Variants in SPTBN4 observed in about 807,000 individuals in gnomAD.
SPTBN4 encodes the protein spectrin beta chain, non-erythrocytic 4.
In SPTBN4, 96 loss-of-function variants were observed where a neutral mutation model predicts 277.8. The observed-to-expected ratio is 0.35, with a 90% confidence interval of 0.29 to 0.41. SPTBN4 has a LOEUF of 0.41. SPTBN4 is among the 10% of genes least tolerant of loss of function. The pLI is 1.00. For synonymous variants in SPTBN4, 1,481 were observed against 1,580.3 expected, an observed-to-expected ratio of 0.94 and a Z score of 1.49; for missense variants, 3,006 against 3,595.7, an observed-to-expected ratio of 0.84 and a Z score of 4.19.
chr19:40,542,821 T>C (rs1326025173), intron 20 of SPTBN4, among the ~76,000 whole-genome samples: 1 of 151,852 alleles, frequency 6.6e-6, no homozygotes, highest in African/African-American at 2.4e-5. Context: ...TTTGTTTTTT[T>C]GTTTTTTGAG....
chr19:40,565,961 T>G (rs191204507), intron 29 of SPTBN4, among the ~76,000 whole-genome samples: 1 of 151,644 alleles, frequency 6.6e-6, no homozygotes, highest in African/African-American at 2.4e-5. Context: ...TGGGGGGACA[T>G]TAAGGAAGGA....
rs1599822256 is a variant in SPTBN4, at chr19:40,568,264, G to C, written c.6938G>C (p.Arg2313Thr). 6.2e-7 allele frequency: 1 copy of C among 1,605,682 alleles called. No individual in the cohort carries two copies. ...TCCAGCGAACAGGAGATGCCCATCA[G>C]AGGAGACCTGGTCAAGGGGTGAGGT... is the stretch of plus-strand genomic sequence containing the variant. ...QESSEQEMPI[R>T]GDLVKGKATL... The change falls in exon 31 of 36, where the codon AGA (arginine) becomes ACA (threonine). Residue 2313 changes from arginine (R) to threonine (T), a missense_variant. Coordinates refer to ENST00000598249, the MANE Select transcript of SPTBN4 (RefSeq NM_020971.3).
At chr19:40,495,368 C>T (rs1599729635) in intron 6 of SPTBN4, among the ~76,000 whole-genome samples, 1 of 152,164 alleles carries the variant, frequency 6.6e-6, no homozygotes, top group African/African-American at 2.4e-5. Context: ...TCAGGCCAGG[C>T]GCAGTGGCTC....
intron 29 of SPTBN4, 68 bp downstream of exon 29, chr19:40,565,813 C>G: frequency 2.0e-6 from 3 of 1,496,666 alleles, no homozygotes; most frequent in South Asian, 1.2e-5. Context: ...CCAGCCAAGG[C>G]CCAGAGGGTG....
At chr19:40,485,251 G>A (rs1250667910) in intron 2 of SPTBN4, among the ~76,000 whole-genome samples, 2 of 152,194 alleles carry the variant, frequency 1.3e-5, no homozygotes, top group Non-Finnish European at 2.9e-5. Context: ...CCTGGTTCAA[G>A]CGATTGTCAT....
At chr19:40,514,435 G>T (rs573454417) in intron 14 of SPTBN4, among the ~76,000 whole-genome samples, 39 of 152,216 alleles carry the variant, frequency 2.6e-4, no homozygotes, top group Non-Finnish European at 4.6e-4. Flanking sequence ...GGACCCAGAT[G>T]GAGCGGAACA....
chr19:40,527,348 C>A (rs1031210687), intron 17 of SPTBN4, among the ~76,000 whole-genome samples: 1 of 152,152 alleles, frequency 6.6e-6, no homozygotes. Context: ...ATAAGTCGAG[C>A]GTGTACTGTA....
rs1228983179 is a variant in SPTBN4, at chr19:40,554,323, G to A, written c.4851G>A (p.Leu1617=). 1.9e-6 allele frequency: 3 copies of A among 1,554,920 alleles called. No homozygotes were observed. Among genetic ancestry groups the A allele is most frequent in the South Asian group, 2.3e-5 (2 of 85,298 alleles). The change falls in exon 23 of 36, where the codon CTG becomes CTA. Residue 1617 remains leucine (L), a synonymous_variant. Coordinates refer to ENST00000598249, the MANE Select transcript of SPTBN4 (RefSeq NM_020971.3). This position sits in a 1 kb window ranked among gnomAD's most constrained non-coding sequence, Gnocchi z 5.7. ...CTGCCGAGCGACGGCAGCAGGTGCT[G>A]GACGCCGCCTTCCAGGTGGAGCAGT... The part of the protein sequence containing the change: ...REAAERRQQV[L]DAAFQVEQYY...
At chr19:40,482,173 G>A (rs773058517) in intron 2 of SPTBN4, among the ~76,000 whole-genome samples, 2 of 151,980 alleles carry the variant, frequency 1.3e-5, no homozygotes, top group African/African-American at 4.8e-5. Context: ...CTGACCTCAG[G>A]TGATCGACCC....
In SPTBN4 at chr19:40,506,246, T is replaced by C. The variant is rs772059116; in HGVS notation, c.1676T>C (p.Leu559Pro). 1 of 1,612,126 alleles carries C rather than the reference T, an allele frequency of 6.2e-7. No homozygotes were observed. Among genetic ancestry groups the C allele is most frequent in the Non-Finnish European group, 8.5e-7 (1 of 1,178,854 alleles). Residue 559 changes from leucine (L) to proline (P), a missense_variant, in exon 13 of 36, where the codon CTG (leucine) becomes CCG (proline). Transcript: ENST00000598249. ...DWMEEMQAQL[L>P]SRECGQHLVE... ...TGTCCCCGCTTGTAGGCTCAGCTGCTGTCCCGGGAGTGTGGGCAGCACCTG... is the reference window on the plus strand; with the variant it reads ...TGTCCCCGCTTGTAGGCTCAGCTGCCGTCCCGGGAGTGTGGGCAGCACCTG...
In SPTBN4 at chr19:40,534,000, G is replaced by C. The variant is rs775505202; in HGVS notation, c.4096-80G>C. 4.1e-5 allele frequency: 60 copies of C among 1,474,514 alleles called. No individual in the cohort carries two copies. The Admixed American group carries it at 1.4e-3, about 33-fold the overall frequency. The allele number at this position is 1,474,514 out of a possible 1,614,324, so 91.3% of individuals were successfully genotyped here. On this transcript the variant is annotated intron_variant, in intron 19 of 35. Transcript: ENST00000598249. ...CTTTTCACATCCTTCCCTGTGTCCT[G>C]TCACTCTCCCACACTTCTCTGATTC...
intron 30 of SPTBN4, 44 bp from the exon 31 acceptor site, chr19:40,567,619 C>G: frequency 1.4e-6 from 2 of 1,419,676 alleles, no homozygotes; most frequent in Non-Finnish European, 1.8e-6. Context: ...TTACCCCGCC[C>G]CGGCCCCACG....
chr19:40,530,471 G>A, intron 18 of SPTBN4: 2 of 978,066 alleles, frequency 2.0e-6, no homozygotes, highest in African/African-American at 1.8e-5. Flanking sequence ...GGGCGAGGGA[G>A]GGGGCGCGCG....
chr19:40,530,499 C>T (rs1226744545), intron 18 of SPTBN4: 3 of 979,648 alleles, frequency 3.1e-6, no homozygotes, highest in African/African-American at 1.8e-5. Context: ...GAGCCTCAGC[C>T]TTCGCCGCCG....
chr19:40,494,906 G>A lies in SPTBN4; in HGVS notation c.597G>A (p.Glu199=). The A allele has an allele frequency of 6.2e-7, 1 of 1,614,034 alleles. No homozygotes were observed. The highest frequency in any genetic ancestry group is 1.1e-5 in the South Asian group (1 of 91,074). Residue 199 remains glutamate, a synonymous_variant, in exon 6 of 36, where the codon GAG becomes GAA. Coordinates refer to ENST00000598249, the MANE Select transcript of SPTBN4 (RefSeq NM_020971.3). ...WCQMKTAGYP[E]VNIQNFTTSW... The stretch of plus-strand genomic sequence containing the variant: ...CCCTTCACCCTTCCAGTTACCCTGA[G>A]GTAAACATCCAGAATTTCACCACCA...
intron 13 of SPTBN4, among the ~76,000 whole-genome samples, chr19:40,510,107 T>TG (rs1458361860): frequency 1.3e-5 from 2 of 152,158 alleles, no homozygotes; most frequent in African/African-American, 4.8e-5. Context: ...CGCTTCCTGA[T>TG]GGGTGGTCCA....
Position 40,519,924 on chromosome 19 carries a change from G to A in SPTBN4, c.3427G>A (p.Glu1143Lys). 9.6e-6 allele frequency: 15 copies of A among 1,563,764 alleles called. No individual in the cohort carries two copies. The highest frequency in any genetic ancestry group is 2.4e-5 in the East Asian group (1 of 41,632). Residue 1143 changes from glutamate (E) to lysine (K), a missense_variant, in exon 16 of 36, where the codon GAG becomes AAG. Glu to Lys is a moderately conservative substitution (Grantham distance 56). Around this residue, in one of 5 missense-constraint regions of SPTBN4, gnomAD observed 1,759 missense variants for 2,061.5 expected, o/e 0.85. Transcript: ENST00000598249. This position sits in a 1 kb window ranked among gnomAD's most constrained non-coding sequence, Gnocchi z 5.7. The stretch of plus-strand genomic sequence containing the variant: ...GCTCAAGGAGGAGGTGGACCAGCGC[G>A]AGGAAGACTATGCTCGCATCGTGGC... The part of the protein sequence containing the change: ...AALKEEVDQR[E>K]EDYARIVAAS...
intron 20 of SPTBN4, among the ~76,000 whole-genome samples, chr19:40,540,290 G>A (rs1224994632): frequency 6.6e-6 from 1 of 152,130 alleles, no homozygotes; most frequent in African/African-American, 2.4e-5. Flanking sequence ...GTTTTCAAAA[G>A]CTAGTTGTTT....
intron 31 of SPTBN4, 83 bp downstream of exon 31, chr19:40,568,365 C>T: frequency 1.4e-6 from 2 of 1,450,556 alleles, no homozygotes; most frequent in East Asian, 2.6e-5. Context: ...AGTGAAAGGG[C>T]TTCAGGGCTC....
Sources: gnomAD v4.1 joint callset for allele counts (sites outside exome capture counted in the v4.1 genomes callset) on GRCh38, gnomAD v4.1.1 for gene constraint, gnomAD v4.1.1 regional missense constraint, Gnocchi (gnomAD v3.1) non-coding constraint, MANE v1.5 for transcripts, NCBI Gene and HGNC (gene_info 2026-07-23, HGNC 2026-07-21) for gene names.